Variants in TASOR2 observed in about 807,000 individuals in gnomAD.
TASOR2 encodes the protein transcription activation suppressor family member 2, also known as protein TASOR 2.
A neutral mutation model predicts 199.5 loss-of-function variants in TASOR2; 84 were observed. The observed-to-expected ratio is 0.42, with a 90% CI of 0.35 to 0.50. The LOEUF (loss-of-function observed/expected upper bound fraction) is 0.50, where lower values mean the gene tolerates loss of function less well. TASOR2 is among the 20% of genes least tolerant of loss of function. The pLI is 0.02. For missense variants in TASOR2, 2,796 were observed against 2,835.9 expected, an observed-to-expected ratio of 0.99 and a Z score of 0.32; for synonymous variants, 1,103 against 1,046.6, an observed-to-expected ratio of 1.05 and a Z score of -1.04.
intron 1 of TASOR2, among the ~76,000 whole-genome samples, chr10:5,697,799 TTCATC>T (rs1410235639): frequency 6.6e-6 from 1 of 152,212 alleles, no homozygotes; most frequent in Non-Finnish European, 1.5e-5. Context: ...TCCAGGATAA[TTCATC>T]TCATTCAGAC....
intron 18 of TASOR2, among the ~76,000 whole-genome samples, chr10:5,759,744 G>T (rs1460318053): frequency 6.6e-6 from 1 of 152,256 alleles, no homozygotes; most frequent in Non-Finnish European, 1.5e-5. Flanking sequence ...ACGACTGTTA[G>T]CTGTATGTGA....
At chr10:5,708,896 C>A (rs1374814293) in intron 1 of TASOR2, among the ~76,000 whole-genome samples, 2 of 151,884 alleles carry the variant, frequency 1.3e-5, no homozygotes, top group African/African-American at 2.4e-5. Flanking sequence ...GAGGTGGGGT[C>A]TCACTTTGTT....
exon 21 of TASOR2, chr10:5,763,311 A>T (rs1840166587): frequency 5.9e-6 from 2 of 336,258 alleles, no homozygotes; most frequent in Non-Finnish European, 1.1e-5. Context: ...ATTAAAAATA[A>T]TTTTACATGT....
Position 5,735,420 on chromosome 10 carries a change from CAA to C in TASOR2, c.1322_1323del (p.Gln441ArgfsTer12). On this transcript the variant is annotated frameshift_variant, in exon 12 of 21. Coordinates refer to ENST00000328090, the Ensembl canonical transcript of TASOR2. LOFTEE classifies it high-confidence loss of function. ...AACAAATGCTAAAAGGGCAAGGAAA[CAA>C]GAGAAATCTCCAGTCAAAACTGTTC... 6.2e-7 allele frequency: 1 copy of C among 1,614,056 alleles called. No individual in the cohort carries two copies. Among genetic ancestry groups the C allele is most frequent in the South Asian group, 1.1e-5 (1 of 91,090 alleles).
At chr10:5,712,301 T>C in intron 1 of TASOR2, 1 of 867,012 alleles carries the variant, frequency 1.2e-6, no homozygotes, top group African/African-American at 1.7e-5. Context: ...AGGAAAGGAA[T>C]AGGTGATGTT....
Position 5,742,459 on chromosome 10 carries a change from CTT to C in TASOR2, c.2693_2694del (p.Phe898CysfsTer5). 6.2e-7 allele frequency: 1 copy of C among 1,613,980 alleles called. No homozygotes were observed. Among genetic ancestry groups the C allele is most frequent in the Non-Finnish European group, 8.5e-7 (1 of 1,179,986 alleles). ...TGTGTACAAAATGAACAGAAAAAAA[CTT>C]TTGCAAGAGAGTGTGATCCAGACAC... On this transcript the variant is annotated frameshift_variant, in exon 14 of 21. Transcript: ENST00000328090. LOFTEE classifies it high-confidence loss of function. This position sits in a 1 kb window ranked among gnomAD's most constrained non-coding sequence, Gnocchi z 4.2.
chr10:5,749,038 C>CACA (rs1356064338), exon 15 of TASOR2: 1 of 1,613,986 alleles, frequency 6.2e-7, no homozygotes, highest in African/African-American at 1.3e-5. Flanking sequence ...GTTGAACTTC[C>CACA]ACAACAACAA....
exon 15 of TASOR2, chr10:5,747,471 A>C (rs772507282): frequency 1.2e-6 from 2 of 1,614,226 alleles, no homozygotes; most frequent in East Asian, 4.5e-5. Flanking sequence ...CCTCAGTGTC[A>C]GAAGAACCAG....
exon 15 of TASOR2, chr10:5,747,324 T>G: frequency 6.2e-7 from 1 of 1,614,062 alleles, no homozygotes; most frequent in Non-Finnish European, 8.5e-7. Context: ...TGCCAGCTGG[T>G]GAAATAGAGC....
chr10:5,730,782 C>T lies in TASOR2; in HGVS notation c.783C>T (p.Asn261=). The change falls in exon 11 of 21, where the codon AAC becomes AAT. Residue 261 remains asparagine (N), a synonymous_variant. Transcript: ENST00000328090. The surrounding 1 kb of genome is among the most constrained non-coding windows in gnomAD (Gnocchi z 4.1). The stretch of plus-strand genomic sequence containing the variant: ...CTTCAGAGTCTTTAACTCAGTTGAA[C>T]TCTTATTTTTCAGACCCTAGTGCTT... 1 of 1,614,174 alleles carries T rather than the reference C, an allele frequency of 6.2e-7. No individual in the cohort carries two copies. Among genetic ancestry groups the T allele is most frequent in the South Asian group, 1.1e-5 (1 of 91,086 alleles).
chr10:5,749,272 A>G, exon 15 of TASOR2: 1 of 1,614,238 alleles, frequency 6.2e-7, no homozygotes, highest in Non-Finnish European at 8.5e-7. Flanking sequence ...CCCGAGTTTC[A>G]GTGCAAACTG....
exon 15 of TASOR2, chr10:5,747,006 A>T: frequency 6.2e-7 from 1 of 1,614,128 alleles, no homozygotes; most frequent in Non-Finnish European, 8.5e-7. Flanking sequence ...GCCTATCTTC[A>T]GAAGGGCTTC....
In TASOR2 at chr10:5,747,112, TC is replaced by T; in HGVS notation, c.3692del (p.Ser1231Ter). 1 of 1,614,072 alleles carries T rather than the reference TC, an allele frequency of 6.2e-7. No individual in the cohort carries two copies. Among genetic ancestry groups the T allele is most frequent in the Non-Finnish European group, 8.5e-7 (1 of 1,180,020 alleles). ...CTGCATTTCGTCAGGATGCCACACA[TC>T]AGGTGACTCTTTAGAACTAAGGAAG... On this transcript the variant is annotated frameshift_variant, in exon 15 of 21. Transcript: ENST00000328090. LOFTEE classifies it high-confidence loss of function.
chr10:5,692,782 C>A (rs1413632658), intron 1 of TASOR2: 1 of 151,430 alleles, frequency 6.6e-6, no homozygotes, highest in Non-Finnish European at 1.5e-5. Flanking sequence ...AAGGCGCCGC[C>A]GGCCCCGCGC....
intron 1 of TASOR2, among the ~76,000 whole-genome samples, chr10:5,707,692 A>C (rs61832746): frequency 9.8e-5 from 14 of 142,992 alleles, no homozygotes; most frequent in South Asian, 2.3e-4. Flanking sequence ...CCCCAACCCC[A>C]CACACACACA....
rs551499818 is a variant in TASOR2, at chr10:5,752,226, G to A, written c.6606+2199G>A. On this transcript the variant is annotated intron_variant, in intron 15 of 20. Transcript: ENST00000328090. This position sits in a 1 kb window ranked among gnomAD's most constrained non-coding sequence, Gnocchi z 4.4. ...TGTCATGATTCTTATAGTCTAATGG[G>A]ACAAGGAAAACACTGATTAAAAGAG... Among the ~76,000 whole-genome samples the A allele has an allele frequency of 2.0e-5, 3 of 152,316 alleles. No homozygotes were observed. The highest frequency in any genetic ancestry group is 7.2e-5 in the African/African-American group (3 of 41,574).
chr10:5,714,780 A>G (rs1197944539), intron 2 of TASOR2, among the ~76,000 whole-genome samples: 8 of 152,216 alleles, frequency 5.3e-5, no homozygotes, highest in Non-Finnish European at 1.2e-4. Flanking sequence ...GCACCTAGTA[A>G]GTTCTCAGTA....
intron 1 of TASOR2, among the ~76,000 whole-genome samples, chr10:5,697,829 T>G (rs551252206): frequency 6.6e-6 from 1 of 152,326 alleles, no homozygotes; most frequent in South Asian, 2.1e-4. Flanking sequence ...ATAACAAAAA[T>G]AGTATGTACA....
intron 6 of TASOR2, 75 bp downstream of exon 7, chr10:5,721,045 C>A: frequency 1.7e-6 from 2 of 1,160,676 alleles, no homozygotes; most frequent in Non-Finnish European, 2.5e-6. Context: ...CACCTCATTT[C>A]AAGGGTGGCA....
Sources: gnomAD v4.1 joint callset for allele counts (sites outside exome capture counted in the v4.1 genomes callset) on GRCh38, gnomAD v4.1.1 for gene constraint, Gnocchi (gnomAD v3.1) non-coding constraint, MANE v1.5 for transcripts, NCBI Gene and HGNC (gene_info 2026-07-23, HGNC 2026-07-21) for gene names.